The following SASH1 variants were observed in gnomAD, a reference collection of about 807,000 sequenced individuals.
SASH1 encodes SAM and SH3 domain-containing protein 1.
SASH1 carries 44 observed loss-of-function variants against 125.2 expected under a neutral mutation model. The observed-to-expected ratio is 0.35, with a 90% CI of 0.28 to 0.45. The LOEUF (loss-of-function observed/expected upper bound fraction) is 0.45. Among genes scored for constraint, SASH1 ranks in the 20% least tolerant of loss-of-function variants. The pLI is 1.00. For missense variants in SASH1, 1,426 were observed against 1,614.5 expected (o/e 0.88, Z 2.00); for synonymous variants, 639 against 649.1 (o/e 0.98, Z 0.24).
chr6:148,358,060 C>CAA (rs34729070), intron 1 of SASH1, among the ~76,000 whole-genome samples: 54 of 65,562 alleles, frequency 8.2e-4, no homozygotes, highest in East Asian at 1.6e-3. Flanking sequence ...AACTCCGTCT[C>CAA]AAAAAAAAAA....
At chr6:148,234,328 C>CTT in the SASH1 span, among the ~76,000 whole-genome samples, 2 of 146,298 alleles carry the variant, frequency 1.4e-5, no homozygotes, top group African/African-American at 2.5e-5. Context: ...CTTAGCAAAG[C>CTT]TTTTTTTTTT....
chr6:148,409,308 A>G (rs186046895), intron 2 of SASH1, among the ~76,000 whole-genome samples: 125 of 152,338 alleles, frequency 8.2e-4, no homozygotes, highest in Non-Finnish European at 1.6e-3. Flanking sequence ...TGGATATCCA[A>G]TTATAAAGAG....
At chr6:148,408,584 A>G (rs1784474287) in intron 2 of SASH1, among the ~76,000 whole-genome samples, 1 of 152,176 alleles carries the variant, frequency 6.6e-6, no homozygotes, top group Non-Finnish European at 1.5e-5. Context: ...TGAATCCCTT[A>G]TCAGATATGA....
intron 2 of SASH1, among the ~76,000 whole-genome samples, chr6:148,437,909 T>A (rs551490582): frequency 1.3e-5 from 2 of 152,300 alleles, no homozygotes; most frequent in Non-Finnish European, 2.9e-5. Flanking sequence ...ATATGTTACG[T>A]TTGTGATATG....
chr6:148,350,633 G>A (rs1048735359), intron 1 of SASH1, among the ~76,000 whole-genome samples: 1 of 152,166 alleles, frequency 6.6e-6, no homozygotes, highest in Non-Finnish European at 1.5e-5. Flanking sequence ...AGACTTGACT[G>A]TCATAATCCC....
chr6:148,471,628 A>C, intron 6 of SASH1, 125 bp downstream of exon 6: 1 of 635,244 alleles, frequency 1.6e-6, no homozygotes, highest in Non-Finnish European at 2.8e-6. Context: ...TAAGATGTTC[A>C]ACTTTTCTGA....
intron 7 of SASH1, among the ~76,000 whole-genome samples, chr6:148,483,381 C>T (rs1377482177): frequency 6.6e-6 from 1 of 152,182 alleles, no homozygotes; most frequent in African/African-American, 2.4e-5. Flanking sequence ...CCCCAAACAC[C>T]TCTCTTTAGG....
intron 7 of SASH1, among the ~76,000 whole-genome samples, chr6:148,485,279 C>A (rs1583235426): frequency 6.6e-6 from 1 of 152,032 alleles, no homozygotes; most frequent in African/African-American, 2.4e-5. Context: ...ATTTCACAGG[C>A]CAATATATCA....
chr6:148,504,968 T>C (rs1459897004), intron 8 of SASH1, among the ~76,000 whole-genome samples: 1 of 152,174 alleles, frequency 6.6e-6, no homozygotes, highest in East Asian at 1.9e-4. Flanking sequence ...GGGGAAGTAC[T>C]GGGGATGTAT....
chr6:148,474,081 T>G (rs748097225), intron 6 of SASH1, 29 bp from the exon 7 acceptor site: 43 of 1,436,328 alleles, frequency 3.0e-5, no homozygotes, highest in Non-Finnish European at 3.9e-5. Flanking sequence ...TTGTTTTCAC[T>G]CCTGTTGTTC....
intron 4 of SASH1, among the ~76,000 whole-genome samples, chr6:148,455,788 C>A (rs1777312183): frequency 6.6e-6 from 1 of 152,214 alleles, no homozygotes; most frequent in African/African-American, 2.4e-5. Context: ...GCCGCGTGTC[C>A]ATGCTGCCCG....
chr6:148,506,972 GCTTT>G (rs936742597), intron 8 of SASH1, among the ~76,000 whole-genome samples: 10 of 152,192 alleles, frequency 6.6e-5, no homozygotes, highest in Non-Finnish European at 1.5e-4. Context: ...GGAATGCTAA[GCTTT>G]GGACAAATAC....
chr6:148,223,241 C>G, the SASH1 span, among the ~76,000 whole-genome samples: 1 of 152,174 alleles, frequency 6.6e-6, no homozygotes, highest in African/African-American at 2.4e-5. Flanking sequence ...CTCAGTTTCC[C>G]CAAATGTGAA....
At chr6:148,309,103 A>AAAAAAAAT (rs60194902) in intron 1 of SASH1, among the ~76,000 whole-genome samples, 2 of 143,608 alleles carry the variant, frequency 1.4e-5, no homozygotes, top group African/African-American at 2.6e-5. Flanking sequence ...AAAAAAAAAA[A>AAAAAAAAT]GATTCTCTTT....
the SASH1 span, among the ~76,000 whole-genome samples, chr6:148,221,001 T>A: frequency 3.3e-5 from 5 of 152,382 alleles, 1 homozygote; most frequent in South Asian, 1.0e-3. Context: ...TCCCTCTTTT[T>A]TCCCTCCACT....
At chr6:148,249,168 A>G in the SASH1 span, among the ~76,000 whole-genome samples, 1 of 152,196 alleles carries the variant, frequency 6.6e-6, no homozygotes, top group East Asian at 1.9e-4. Context: ...ATAAATTTAC[A>G]TTTTTTACTT....
chr6:148,233,828 T>A, the SASH1 span, among the ~76,000 whole-genome samples: 1 of 147,840 alleles, frequency 6.8e-6, no homozygotes, highest in African/African-American at 2.5e-5. Flanking sequence ...TGAGAGGATC[T>A]CTTGAGCCCA....
chr6:148,432,782 A>G (rs1016835350), intron 2 of SASH1, among the ~76,000 whole-genome samples: 2 of 152,186 alleles, frequency 1.3e-5, no homozygotes, highest in African/African-American at 2.4e-5. Context: ...GTGGAGACAA[A>G]GTGGGAGTGG....
chr6:148,211,861 A>G, the SASH1 span, among the ~76,000 whole-genome samples: 2 of 152,150 alleles, frequency 1.3e-5, no homozygotes, highest in Non-Finnish European at 2.9e-5. Flanking sequence ...CATCTGTTAT[A>G]TGGATGCTGG....
Sources: gnomAD v4.1 joint callset for allele counts (sites outside exome capture counted in the v4.1 genomes callset) on GRCh38, gnomAD v4.1.1 for gene constraint, MANE v1.5 for transcripts, NCBI Gene and HGNC (gene_info 2026-07-23, HGNC 2026-07-21) for gene names.